TBC1D5: variants seen among roughly 807,000 people sequenced by gnomAD.
The protein encoded by TBC1D5 is TBC1 domain family member 5, also known as TBC1 domain family, member 5.
TBC1D5 carries 75 observed loss-of-function variants against 100.3 expected under a neutral mutation model. The ratio of observed to expected loss-of-function variants is 0.75; its 90% CI spans 0.62 to 0.91. The LOEUF (loss-of-function observed/expected upper bound fraction) is 0.91, where lower values mean the gene tolerates loss of function less well. Among genes scored for constraint, TBC1D5 ranks in the 40% least tolerant of loss-of-function variants. TBC1D5 has a pLI of 0.00. For synonymous variants in TBC1D5, 323 were observed against 325.6 expected (o/e 0.99, Z 0.09); for missense variants, 910 against 942.4 (o/e 0.97, Z 0.45).
intron 14 of TBC1D5, among the ~76,000 whole-genome samples, chr3:17,302,479 G>C (rs1441338788): frequency 6.6e-6 from 1 of 152,122 alleles, no homozygotes; most frequent in Admixed American, 6.5e-5. Flanking sequence ...TTTGTTGAGG[G>C]GGGGGATACA....
intron 2 of TBC1D5, among the ~76,000 whole-genome samples, chr3:17,545,244 C>A (rs992255209): frequency 6.6e-6 from 1 of 152,104 alleles, no homozygotes; most frequent in Non-Finnish European, 1.5e-5. Context: ...GGAACATAAT[C>A]CAATACAACT....
chr3:17,561,087 C>T (rs1169006619), intron 2 of TBC1D5, among the ~76,000 whole-genome samples: 1 of 152,050 alleles, frequency 6.6e-6, no homozygotes, highest in Non-Finnish European at 1.5e-5. Context: ...GTGATTGGCA[C>T]AGAACACATG....
chr3:17,470,736 G>A (rs1362424497), intron 3 of TBC1D5, among the ~76,000 whole-genome samples: 5 of 151,898 alleles, frequency 3.3e-5, no homozygotes, highest in South Asian at 2.1e-4. Flanking sequence ...CCTGGCCAAC[G>A]TGATGAAACC....
intron 3 of TBC1D5, among the ~76,000 whole-genome samples, chr3:17,508,211 T>G (rs2095863636): frequency 6.6e-6 from 1 of 152,184 alleles, no homozygotes. Flanking sequence ...TATGCTGAAG[T>G]CATTGTTCAG....
chr3:17,627,073 G>T (rs1428677772), intron 1 of TBC1D5, among the ~76,000 whole-genome samples: 2 of 152,212 alleles, frequency 1.3e-5, no homozygotes, highest in Admixed American at 6.5e-5. Flanking sequence ...CCAGGAATAA[G>T]GCTGCAGAGG....
chr3:17,289,431 C>A (rs186565895), intron 15 of TBC1D5, among the ~76,000 whole-genome samples: 4 of 152,142 alleles, frequency 2.6e-5, no homozygotes, highest in Admixed American at 2.0e-4. Context: ...AAAGTCAGTT[C>A]TTGACCATCC....
chr3:17,635,997 A>T (rs2063881272), intron 1 of TBC1D5, among the ~76,000 whole-genome samples: 1 of 152,124 alleles, frequency 6.6e-6, no homozygotes, highest in Non-Finnish European at 1.5e-5. Flanking sequence ...GTTCAAGATC[A>T]GCCTGGCCAA....
At chr3:17,622,714 C>A (rs1189095339) in intron 2 of TBC1D5, 3 of 152,050 alleles carry the variant, frequency 2.0e-5, no homozygotes, top group Non-Finnish European at 4.4e-5. Context: ...ACAAAGTATT[C>A]AGTGCTTTCC....
intron 2 of TBC1D5, among the ~76,000 whole-genome samples, chr3:17,583,680 T>C (rs981473688): frequency 3.9e-5 from 6 of 152,206 alleles, no homozygotes; most frequent in African/African-American, 7.2e-5. Context: ...TGAGCCAAGA[T>C]TGCGCCACTG....
chr3:17,464,235 C>T (rs980948140), intron 3 of TBC1D5, among the ~76,000 whole-genome samples: 3 of 152,148 alleles, frequency 2.0e-5, no homozygotes, highest in African/African-American at 7.2e-5. Flanking sequence ...GCTGGGATTA[C>T]AGGCATGAGC....
chr3:17,392,540 G>A (rs1575666137), intron 8 of TBC1D5, among the ~76,000 whole-genome samples: 1 of 152,010 alleles, frequency 6.6e-6, no homozygotes, highest in African/African-American at 2.4e-5. Context: ...ACAGGCCCCA[G>A]TGTGTGATGT....
At chr3:17,518,354 G>A (rs1262423997) in intron 2 of TBC1D5, among the ~76,000 whole-genome samples, 1 of 152,212 alleles carries the variant, frequency 6.6e-6, no homozygotes, top group Non-Finnish European at 1.5e-5. Flanking sequence ...CCAGCACAGA[G>A]AAGGAAGTAG....
intron 2 of TBC1D5, chr3:17,519,010 G>C (rs946104207): frequency 6.6e-6 from 1 of 152,292 alleles, no homozygotes; most frequent in Non-Finnish European, 1.5e-5. Flanking sequence ...AAGGAGTTGA[G>C]AGCAGAGGGC....
At chr3:17,483,219 T>C (rs1199178643) in intron 3 of TBC1D5, among the ~76,000 whole-genome samples, 1 of 152,126 alleles carries the variant, frequency 6.6e-6, no homozygotes, top group Non-Finnish European at 1.5e-5. Flanking sequence ...TAAAATTAGA[T>C]AAACCATATA....
intron 4 of TBC1D5, among the ~76,000 whole-genome samples, chr3:17,423,997 AT>A (rs1488404890): frequency 6.6e-5 from 10 of 152,182 alleles, no homozygotes; most frequent in Non-Finnish European, 1.3e-4. Context: ...GAGCCAACAA[AT>A]AAGTTATTTT....
intron 1 of TBC1D5, among the ~76,000 whole-genome samples, chr3:17,632,934 G>T (rs2063613995): frequency 1.3e-5 from 2 of 152,018 alleles, no homozygotes; most frequent in African/African-American, 2.4e-5. Flanking sequence ...TCTCTCTGAG[G>T]TATGCCTATA....
At chr3:17,331,291 T>C (rs1429027019) in intron 13 of TBC1D5, among the ~76,000 whole-genome samples, 1 of 152,200 alleles carries the variant, frequency 6.6e-6, no homozygotes, top group African/African-American at 2.4e-5. Context: ...CAACTCGTTC[T>C]TAATCTCCAT....
Position 17,307,265 on chromosome 3 carries a change from G to C in TBC1D5, c.1138+727C>G, listed in dbSNP as rs1308174170. The stretch of plus-strand genomic sequence containing the variant: ...TTTCCTAATTCAATCACATAATTTT[G>C]TGCACTTTTTCCTAATTATATTTTG... On this transcript the variant is annotated intron_variant, in intron 14 of 21. Transcript: ENST00000253692. Among the ~76,000 whole-genome samples, 3 of 152,196 alleles carry C rather than the reference G, an allele frequency of 2.0e-5. No homozygotes were observed. In the South Asian group the frequency reaches 6.2e-4, roughly 32 times the overall value.
intron 21 of TBC1D5, among the ~76,000 whole-genome samples, chr3:17,162,265 TG>T (rs2125026057): frequency 6.6e-6 from 1 of 152,352 alleles, no homozygotes; most frequent in East Asian, 1.9e-4. Context: ...GACCGCTGAC[TG>T]GAAGTGTCTC....
Sources: gnomAD v4.1 joint callset for allele counts (sites outside exome capture counted in the v4.1 genomes callset) on GRCh38, gnomAD v4.1.1 for gene constraint, MANE v1.5 for transcripts, NCBI Gene and HGNC (gene_info 2026-07-23, HGNC 2026-07-21) for gene names.